TLE6: variants seen among roughly 807,000 people sequenced by gnomAD.
The protein encoded by TLE6 is TLE family member 6, subcortical maternal complex member, also known as transducin-like enhancer protein 6.
Under a neutral mutation model 77.1 loss-of-function variants are expected in TLE6, and 72 were observed. The observed-to-expected ratio is 0.93, with a 90% CI of 0.77 to 1.14. The LOEUF (loss-of-function observed/expected upper bound fraction) is 1.14, where lower values mean the gene tolerates loss of function less well. Among genes scored for constraint, TLE6 ranks in the 50% most tolerant of loss-of-function variants. TLE6 has a pLI of 0.00. For missense variants in TLE6, 843 were observed against 747.6 expected, an observed-to-expected ratio of 1.13 and a Z score of -1.49; for synonymous variants, 366 against 287.3, an observed-to-expected ratio of 1.27 and a Z score of -2.77.
rs765904815 is a variant in TLE6, at chr19:2,987,384, A to G, written c.558+12A>G. On this transcript the variant is annotated intron_variant, in intron 8 of 16. Coordinates refer to ENST00000246112, the MANE Select transcript of TLE6 (RefSeq NM_001143986.2). The stretch of plus-strand genomic sequence containing the variant: ...AGGCACCAGGCCTGGTGAGTAAACA[A>G]CCTCAGCTCTATCCAGAGGGGTGGG... The G allele has an allele frequency of 3.1e-6, 5 of 1,613,184 alleles. No individual in the cohort carries two copies. The highest frequency in any genetic ancestry group is 2.2e-5 in the East Asian group (1 of 44,858).
intron 3 of TLE6, among the ~76,000 whole-genome samples, chr19:2,980,655 G>C (rs764285721): frequency 1.3e-5 from 2 of 150,690 alleles, no homozygotes; most frequent in Non-Finnish European, 2.9e-5. Context: ...AGAATCTCTT[G>C]AACCCAGGAG....
chr19:2,980,031 G>A, intron 2 of TLE6, 69 bp from the exon 3 acceptor site: 2 of 1,264,652 alleles, frequency 1.6e-6, no homozygotes, highest in South Asian at 1.3e-5. Context: ...GCCATGTTGA[G>A]GTGGAGACCG....
intron 16 of TLE6, among the ~76,000 whole-genome samples, chr19:2,994,595 G>C (rs2089166559): frequency 7.2e-6 from 1 of 139,682 alleles, no homozygotes; most frequent in Non-Finnish European, 1.6e-5. Flanking sequence ...GGGTGACAGA[G>C]ACTCCATCTA....
rs1445502022 is a variant in TLE6 at position 2,982,183 on chromosome 19, CA to C, written c.218del (p.Lys73SerfsTer3). ...TCCAGCAGGATGTGGCAGAACATCA[CA>C]AGCAGGTGGGTGACCAGGAGCTCAG... ...KIQQDVAEHHKQIGNVLQIVE... is the reference protein window; with the variant it reads ...KIQQDVAEHHXQIGNVLQIVE... On this transcript the variant is annotated frameshift_variant, in exon 5 of 17. Coordinates refer to ENST00000246112, the MANE Select transcript of TLE6 (RefSeq NM_001143986.2). LOFTEE classifies it high-confidence loss of function. The C allele has an allele frequency of 6.4e-7, 1 of 1,551,384 alleles. No individual in the cohort carries two copies. Among genetic ancestry groups the C allele is most frequent in the East Asian group, 2.4e-5 (1 of 40,886 alleles).
Position 2,982,173 on chromosome 19 carries a change from C to T in TLE6, c.206C>T (p.Ala69Val). Residue 69 changes from alanine (A) to valine (V), a missense_variant, in exon 5 of 17, where the codon GCA becomes GTA. By Grantham distance (64) the Ala-to-Val change is moderately conservative (BLOSUM62 0). Coordinates refer to ENST00000246112, the MANE Select transcript of TLE6 (RefSeq NM_001143986.2). Reference sequence around the variant, plus strand: ...CTGCACAAGATCCAGCAGGATGTGGCAGAACATCACAAGCAGGTGGGTGAC... The same window carrying T: ...CTGCACAAGATCCAGCAGGATGTGGTAGAACATCACAAGCAGGTGGGTGAC... ...YSLHKIQQDV[A>V]EHHKQIGNVL... 6.4e-7 allele frequency: 1 copy of T among 1,551,334 alleles called. No homozygotes were observed. Among genetic ancestry groups the T allele is most frequent in the Non-Finnish European group, 8.7e-7 (1 of 1,146,908 alleles).
At position 2,989,660 on chromosome 19, in the gene TLE6, G is replaced by A; in HGVS notation, c.1119G>A (p.Glu373=). Residue 373 remains glutamate (E), a synonymous_variant, in exon 13 of 17, where the codon GAG becomes GAA. Transcript: ENST00000246112. The part of the protein sequence containing the change: ...DLAAPSLHVK[E]QLPCAGLNCQ... The stretch of plus-strand genomic sequence containing the variant: ...CGGCGCCCTCCCTGCATGTGAAGGA[G>A]CAGTTGCCCTGTGCAGGTCTCAACT... 2 of 1,614,224 alleles carry A rather than the reference G, an allele frequency of 1.2e-6. No homozygotes were observed. Among genetic ancestry groups the A allele is most frequent in the Non-Finnish European group, 1.7e-6 (2 of 1,180,054 alleles).
At chr19:2,984,617 G>A (rs1228102903) in intron 5 of TLE6, among the ~76,000 whole-genome samples, 2 of 152,032 alleles carry the variant, frequency 1.3e-5, no homozygotes, top group South Asian at 2.1e-4. Flanking sequence ...ACAGGTGTGT[G>A]TCACCATGCC....
At chr19:2,980,271 G>A (rs4807380) in intron 3 of TLE6, 89 bp downstream of exon 3, 513,209 of 1,142,434 alleles carry the variant, frequency 0.45, 121,161 homozygotes, top group Non-Finnish European at 0.48. Context: ...GTGGTCTAGA[G>A]GCTGCTGGCC....
At chr19:2,991,035 TACATAC>T (rs141849926) in intron 13 of TLE6, among the ~76,000 whole-genome samples, 19,685 of 139,256 alleles carry the variant, frequency 0.14, 2,540 homozygotes, top group African/African-American at 0.41. Context: ...CATACATACA[TACATAC>T]ATATATGTAT....
chr19:2,981,582 C>G lies in TLE6; in HGVS notation c.179C>G (p.Ser60Trp), dbSNP rs537444090. The change falls in exon 4 of 17, where the codon TCG (serine) becomes TGG (tryptophan). Residue 60 changes from serine (S) to tryptophan (W), a missense_variant and splice_region_variant. Physicochemically the swap from Ser to Trp is radical, Grantham distance 177. Coordinates refer to ENST00000246112, the MANE Select transcript of TLE6 (RefSeq NM_001143986.2). Reference protein sequence around the residue: ...FAAELESIYYSLHKIQQDVAE... With the variant: ...FAAELESIYYWLHKIQQDVAE... Reference sequence around the variant, plus strand: ...GCGGAGTTGGAGAGCATTTACTACTCGGTGAGCCAGACCCAGGCAGCCCCA... The same window carrying G: ...GCGGAGTTGGAGAGCATTTACTACTGGGTGAGCCAGACCCAGGCAGCCCCA... The G allele has an allele frequency of 6.4e-7, 1 of 1,551,430 alleles. No individual in the cohort carries two copies. Among genetic ancestry groups the G allele is most frequent in the Non-Finnish European group, 8.7e-7 (1 of 1,146,960 alleles).
chr19:2,983,392 C>G (rs1350608002), intron 5 of TLE6, among the ~76,000 whole-genome samples: 1 of 151,788 alleles, frequency 6.6e-6, no homozygotes, highest in East Asian at 1.9e-4. Context: ...TTGGGGAGGC[C>G]AGGGTGGGCG....
At position 2,995,141 on chromosome 19, in the gene TLE6, T is replaced by C. The variant is rs1036949670; in HGVS notation, c.*137T>C. On this transcript the variant is annotated 3_prime_UTR_variant, in exon 17 of 17. Transcript: ENST00000246112. The stretch of plus-strand genomic sequence containing the variant: ...GCACGATCTAGTCTGTGGTGTAGAC[T>C]GGTCGCCATCACGTGTAATAAAGCA... 1 of 550,048 alleles carries C rather than the reference T, an allele frequency of 1.8e-6. No individual in the cohort carries two copies. The highest frequency in any genetic ancestry group is 3.2e-6 in the Non-Finnish European group (1 of 310,090). 34.1% of individuals were successfully genotyped at this position (550,048 alleles called of 1,614,324 possible). A position where few individuals can be genotyped will look rare whatever the true frequency, so the allele number is the denominator to read the frequency against.
intron 2 of TLE6, among the ~76,000 whole-genome samples, chr19:2,978,966 A>G (rs1157129430): frequency 6.6e-6 from 1 of 151,902 alleles, no homozygotes; most frequent in African/African-American, 2.4e-5. Context: ...TGATTTTATT[A>G]TGTTTGAGAC....
In TLE6 at chr19:2,994,971, G is replaced by A; in HGVS notation, c.1686G>A (p.Gly562=). The change falls in exon 17 of 17, where the codon GGG becomes GGA. Residue 562 remains glycine, a synonymous_variant. Transcript: ENST00000246112. ...SNNRLVVTGS[G]EHASVYQITY ...ACCGCCTCGTTGTCACAGGCTCCGG[G>A]GAGCACGCCTCCGTGTACCAGATCA... The A allele has an allele frequency of 1.2e-6, 2 of 1,609,126 alleles. No homozygotes were observed. Among genetic ancestry groups the A allele is most frequent in the Non-Finnish European group, 1.7e-6 (2 of 1,178,220 alleles).
chr19:2,988,019 A>G lies in TLE6; in HGVS notation c.702+45A>G, dbSNP rs2088955928. Reference sequence around the variant, plus strand: ...TGGTAGCCCAGCGTGAAGGCTGCCCAGGGTGGGGTAGAGGAGGTGGGCACA... The same window carrying G: ...TGGTAGCCCAGCGTGAAGGCTGCCCGGGGTGGGGTAGAGGAGGTGGGCACA... On this transcript the variant is annotated intron_variant, in intron 10 of 16. Coordinates refer to ENST00000246112, the MANE Select transcript of TLE6 (RefSeq NM_001143986.2). The G allele has an allele frequency of 6.3e-6, 10 of 1,585,342 alleles. No individual in the cohort carries two copies. The East Asian group carries it at 2.3e-4, about 37-fold the overall frequency.
At chr19:2,981,719 C>G in intron 4 of TLE6, 136 bp downstream of exon 4, 1 of 978,176 alleles carries the variant, frequency 1.0e-6, no homozygotes, top group Non-Finnish European at 1.5e-6. Context: ...GCCTGTAATC[C>G]CAGCACTATG....
At position 2,993,476 on chromosome 19, in the gene TLE6, G is replaced by A; in HGVS notation, c.1431G>A (p.Leu477=). The A allele has an allele frequency of 6.2e-7, 1 of 1,603,088 alleles. No homozygotes were observed. Among genetic ancestry groups the A allele is most frequent in the South Asian group, 1.1e-5 (1 of 90,726 alleles). Reference sequence around the variant, plus strand: ...GCCCCCAGGAGGACTGGGTGCTGCTGGGCATGGCCAATGGCCAGCAGTGGC... The same window carrying A: ...GCCCCCAGGAGGACTGGGTGCTGCTAGGCATGGCCAATGGCCAGCAGTGGC... ...SHSPQEDWVL[L]GMANGQQWLQ... Residue 477 remains leucine (L), a synonymous_variant, in exon 15 of 17, where the codon CTG becomes CTA. Coordinates refer to ENST00000246112, the MANE Select transcript of TLE6 (RefSeq NM_001143986.2).
chr19:2,993,582 G>A lies in TLE6; in HGVS notation c.1537G>A (p.Gly513Ser), dbSNP rs763533512. ...VILSVKFSPFGQWWASVGMDD... is the reference protein window; with the variant it reads ...VILSVKFSPFSQWWASVGMDD... The stretch of plus-strand genomic sequence containing the variant: ...CCTGAGCGTCAAGTTCTCCCCCTTT[G>A]GTAAGCGGCTGGCGGAAGATGAGGG... Residue 513 changes from glycine (G) to serine (S), a missense_variant and splice_region_variant, in exon 15 of 17, where the codon GGC becomes AGC. By Grantham distance (56) the Gly-to-Ser change is moderately conservative. Coordinates refer to ENST00000246112, the MANE Select transcript of TLE6 (RefSeq NM_001143986.2). The A allele has an allele frequency of 6.4e-7, 1 of 1,553,112 alleles. No individual in the cohort carries two copies.
intron 5 of TLE6, among the ~76,000 whole-genome samples, chr19:2,985,313 TTC>T (rs1399083792): frequency 2.6e-5 from 4 of 151,980 alleles, no homozygotes; most frequent in African/African-American, 9.7e-5. Context: ...AACCCTCAGT[TTC>T]TTAGTATCTT....
Sources: allele counts gnomAD v4.1 joint callset (sites outside exome capture counted in the v4.1 genomes callset), GRCh38; gene constraint gnomAD v4.1.1; transcripts MANE v1.5; gene names NCBI Gene and HGNC (gene_info 2026-07-23, HGNC 2026-07-21).